The following PIP5K1C variants were observed in gnomAD, a reference collection of about 807,000 sequenced individuals.
PIP5K1C encodes the protein phosphatidylinositol-4-phosphate 5-kinase type 1 gamma, also known as phosphatidylinositol 4-phosphate 5-kinase type-1 gamma.
Under a neutral mutation model 80.1 loss-of-function variants are expected in PIP5K1C, and 45 were observed. The observed-to-expected ratio is 0.56, with a 90% CI of 0.44 to 0.72. PIP5K1C has a LOEUF of 0.72. PIP5K1C is among the 30% of genes least tolerant of loss of function. PIP5K1C has a pLI of 0.00. For synonymous variants in PIP5K1C, 498 were observed against 420.1 expected (o/e 1.19, Z -2.27); for missense variants, 753 against 954.6 (o/e 0.79, Z 2.78).
At chr19:3,699,714 C>A (rs988885215) in intron 1 of PIP5K1C, among the ~76,000 whole-genome samples, 1 of 152,232 alleles carries the variant, frequency 6.6e-6, no homozygotes, top group Non-Finnish European at 1.5e-5. Context: ...GCCGTGCCCC[C>A]CGCCCAGCCC....
intron 1 of PIP5K1C, among the ~76,000 whole-genome samples, chr19:3,679,815 G>A (rs554533693): frequency 6.6e-6 from 1 of 152,350 alleles, no homozygotes; most frequent in East Asian, 1.9e-4. Flanking sequence ...CCCTGGATGT[G>A]GCTTGACGTG....
At chr19:3,694,547 G>A (rs1009786946) in intron 1 of PIP5K1C, among the ~76,000 whole-genome samples, 1 of 152,334 alleles carries the variant, frequency 6.6e-6, no homozygotes, top group South Asian at 2.1e-4. Flanking sequence ...ACCCCACAGA[G>A]CACTGCCCAC....
At chr19:3,639,079 C>T in intron 15 of PIP5K1C, 63 bp from the exon 16 acceptor site, 2 of 1,581,792 alleles carry the variant, frequency 1.3e-6, no homozygotes, top group Non-Finnish European at 1.7e-6. Context: ...TCCCCGCGCC[C>T]CCACTCAGGA....
At chr19:3,660,556 C>T (rs1447081273) in intron 5 of PIP5K1C, among the ~76,000 whole-genome samples, 1 of 152,166 alleles carries the variant, frequency 6.6e-6, no homozygotes, top group Non-Finnish European at 1.5e-5. Flanking sequence ...CTAGGAGGTC[C>T]GACTCTACGC....
chr19:3,671,511 T>C (rs905553194), intron 1 of PIP5K1C, among the ~76,000 whole-genome samples: 15 of 152,162 alleles, frequency 9.9e-5, no homozygotes, highest in African/African-American at 2.7e-4. Context: ...GCTCGGGCCC[T>C]GCTGGGAACG....
At chr19:3,657,476 C>G (rs745326939) in intron 5 of PIP5K1C, among the ~76,000 whole-genome samples, 1 of 152,174 alleles carries the variant, frequency 6.6e-6, no homozygotes, top group Non-Finnish European at 1.5e-5. Flanking sequence ...GCCAGCTCCC[C>G]ATCAGCGGAG....
In PIP5K1C at chr19:3,696,836, T is replaced by C. The variant is rs1306934537; in HGVS notation, c.94+3461A>G. Among the ~76,000 whole-genome samples, 2 of 151,930 alleles carry C rather than the reference T, an allele frequency of 1.3e-5. No individual in the cohort carries two copies. Among genetic ancestry groups the C allele is most frequent in the South Asian group, 2.1e-4 (1 of 4,802 alleles). On this transcript the variant is annotated intron_variant, in intron 1 of 17. Transcript: ENST00000335312. This position sits in a 1 kb window ranked among gnomAD's most constrained non-coding sequence, Gnocchi z 4.1. ...TTGACCCCAAGGGAGGTGGGAGCCA[T>C]GGAGGGCTGCGAGCAGAGGAGGGTC...
chr19:3,677,875 G>C (rs1193287560), intron 1 of PIP5K1C, among the ~76,000 whole-genome samples: 2 of 65,742 alleles, frequency 3.0e-5, no homozygotes, highest in Non-Finnish European at 6.3e-5. Flanking sequence ...GAGGGAGGGA[G>C]GGAGGGGAGG....
At chr19:3,656,796 C>A (rs775236693) in intron 5 of PIP5K1C, among the ~76,000 whole-genome samples, 6 of 152,232 alleles carry the variant, frequency 3.9e-5, no homozygotes, top group South Asian at 2.1e-4. Context: ...ACTCCCCAGG[C>A]TGCCTGCTGC....
intron 2 of PIP5K1C, among the ~76,000 whole-genome samples, chr19:3,666,555 A>T (rs2035015717): frequency 6.6e-6 from 1 of 152,206 alleles, no homozygotes; most frequent in African/African-American, 2.4e-5. Flanking sequence ...ACAGGCACAC[A>T]GGCAAACACA....
intron 1 of PIP5K1C, among the ~76,000 whole-genome samples, chr19:3,690,519 A>G (rs2035916586): frequency 6.6e-6 from 1 of 152,174 alleles, no homozygotes; most frequent in African/African-American, 2.4e-5. Flanking sequence ...TGAACAAAAA[A>G]GAAGCTAAGT....
intron 1 of PIP5K1C, among the ~76,000 whole-genome samples, chr19:3,671,317 C>G (rs1395232254): frequency 6.6e-6 from 1 of 152,270 alleles, no homozygotes; most frequent in Non-Finnish European, 1.5e-5. Flanking sequence ...CTCCCTACGG[C>G]CCCGGGACCC....
chr19:3,687,342 G>A (rs761213732), intron 1 of PIP5K1C, among the ~76,000 whole-genome samples: 6 of 152,116 alleles, frequency 3.9e-5, no homozygotes, highest in Non-Finnish European at 7.4e-5. Context: ...AGCCTGGGTG[G>A]CAGACTGAGA....
Position 3,667,413 on chromosome 19 carries a change from C to A in PIP5K1C, c.95-60G>T, listed in dbSNP as rs992984192. On this transcript the variant is annotated intron_variant, in intron 1 of 17. Coordinates refer to ENST00000335312, the MANE Select transcript of PIP5K1C (RefSeq NM_012398.3). The stretch of plus-strand genomic sequence containing the variant: ...ACCGGTGACCTCTGGGAGTCCTGGG[C>A]CCAGCCCCCGGCCCACCTTCTGGCG... 7.5e-6 allele frequency: 12 copies of A among 1,603,924 alleles called. No individual in the cohort carries two copies. In the African/African-American group the frequency reaches 1.3e-4, roughly 18 times the overall value.
chr19:3,662,032 G>A (rs761955595), intron 3 of PIP5K1C, 31 bp from the exon 4 acceptor site: 13 of 1,560,020 alleles, frequency 8.3e-6, no homozygotes, highest in African/African-American at 4.1e-5. Flanking sequence ...CAGGGCCCCC[G>A]GCTGCTCCCC....
At chr19:3,647,493 A>C in intron 9 of PIP5K1C, 107 bp from the exon 10 acceptor site, 2 of 968,950 alleles carry the variant, frequency 2.1e-6, no homozygotes, top group Non-Finnish European at 3.2e-6. Context: ...CCATGGCCTC[A>C]AGCAGTCGTG....
intron 1 of PIP5K1C, among the ~76,000 whole-genome samples, chr19:3,686,731 T>TAAATAAAATA (rs536772980): frequency 8.1e-4 from 121 of 149,334 alleles, no homozygotes; most frequent in African/African-American, 2.4e-3. Context: ...AATAAATAAA[T>TAAATAAAATA]AAATAAAATA....
chr19:3,691,153 C>T (rs1360242741), intron 1 of PIP5K1C, among the ~76,000 whole-genome samples: 1 of 152,196 alleles, frequency 6.6e-6, no homozygotes, highest in Non-Finnish European at 1.5e-5. Flanking sequence ...TTCTCTGAGT[C>T]ACAAGAAGAC....
rs1203590922 is a variant in PIP5K1C, at chr19:3,692,908, A to T, written c.94+7389T>A. 6.7e-6 allele frequency among the ~76,000 whole-genome samples: 1 copy of T among 150,128 alleles called. No homozygotes were observed. Among genetic ancestry groups the T allele is most frequent in the Non-Finnish European group, 1.5e-5 (1 of 67,556 alleles). On this transcript the variant is annotated intron_variant, in intron 1 of 17. Transcript: ENST00000335312. The surrounding 1 kb of genome is among the most constrained non-coding windows in gnomAD (Gnocchi z 5.2). Reference sequence around the variant, plus strand: ...CCTTTGCACAGTGCCTCTGCCAGACAGCTCCCTCCACACTTCCACAACCCC... The same window carrying T: ...CCTTTGCACAGTGCCTCTGCCAGACTGCTCCCTCCACACTTCCACAACCCC...
Sources: gnomAD v4.1 joint callset for allele counts (sites outside exome capture counted in the v4.1 genomes callset) on GRCh38, gnomAD v4.1.1 for gene constraint, Gnocchi (gnomAD v3.1) non-coding constraint, MANE v1.5 for transcripts, NCBI Gene and HGNC (gene_info 2026-07-23, HGNC 2026-07-21) for gene names.